Variants in PDE12 observed in about 807,000 individuals in gnomAD.
The protein encoded by PDE12 is phosphodiesterase 12, also known as 2',5'-phosphodiesterase 12.
In PDE12, 26 loss-of-function variants were observed where a neutral mutation model predicts 45.4. That is an observed-to-expected ratio of 0.57 (90% CI 0.42 to 0.79). PDE12 has a LOEUF of 0.79. Ranked by LOEUF, PDE12 falls within the 30% of genes least tolerant of loss-of-function variation. The pLI is 0.00. For missense variants in PDE12, 668 were observed against 790.0 expected, an observed-to-expected ratio of 0.85 and a Z score of 1.85; for synonymous variants, 283 against 323.9, an observed-to-expected ratio of 0.87 and a Z score of 1.36.
chr3:57,630,727 A>G, the PDE12 span: 2 of 1,613,414 alleles, frequency 1.2e-6, no homozygotes, highest in African/African-American at 1.3e-5. Flanking sequence ...GTAAAGTCCA[A>G]TCCAATCGCC....
chr3:57,654,011 G>C, the PDE12 span, among the ~76,000 whole-genome samples: 40 of 129,770 alleles, frequency 3.1e-4, no homozygotes, highest in Admixed American at 1.6e-3. Flanking sequence ...GCAGTGGCAC[G>C]ATCTCAGCTC....
chr3:57,575,088 G>A, the PDE12 span, among the ~76,000 whole-genome samples: 2 of 150,614 alleles, frequency 1.3e-5, no homozygotes, highest in Non-Finnish European at 3.0e-5. Flanking sequence ...GACCTCAGAT[G>A]ATCTGCTCAC....
chr3:57,613,825 T>C, the PDE12 span, among the ~76,000 whole-genome samples: 1 of 134,948 alleles, frequency 7.4e-6, no homozygotes, highest in African/African-American at 2.9e-5. Context: ...GGCGTGAACC[T>C]GGGAGGTGGA....
the PDE12 span, among the ~76,000 whole-genome samples, chr3:57,601,657 A>G: frequency 6.6e-6 from 1 of 152,062 alleles, no homozygotes; most frequent in Non-Finnish European, 1.5e-5. Flanking sequence ...ACCCAGGTAC[A>G]ACTATAATTA....
the PDE12 span, among the ~76,000 whole-genome samples, chr3:57,612,541 G>C: frequency 2.0e-5 from 3 of 152,032 alleles, no homozygotes; most frequent in Non-Finnish European, 4.4e-5. Flanking sequence ...TGGAGGCCGA[G>C]GCGGGCGGAT....
At chr3:57,645,711 G>A in the PDE12 span, 13 of 1,613,458 alleles carry the variant, frequency 8.1e-6, no homozygotes, top group Non-Finnish European at 1.1e-5. Context: ...CATGAATAGT[G>A]AAATAAGGTC....
chr3:57,598,403 G>A, the PDE12 span, among the ~76,000 whole-genome samples: 53 of 152,272 alleles, frequency 3.5e-4, no homozygotes, highest in Non-Finnish European at 2.6e-4. Context: ...TTGAAGGCTT[G>A]CTGAGTAACG....
At chr3:57,590,562 A>G in the PDE12 span, among the ~76,000 whole-genome samples, 1 of 152,236 alleles carries the variant, frequency 6.6e-6, no homozygotes, top group South Asian at 2.1e-4. Flanking sequence ...GTAAGACTGG[A>G]AAGACAAAAG....
At chr3:57,610,945 AG>A in the PDE12 span, among the ~76,000 whole-genome samples, 1 of 152,150 alleles carries the variant, frequency 6.6e-6, no homozygotes, top group Non-Finnish European at 1.5e-5. Context: ...CTAAGCCAAA[AG>A]AACAAAGCTG....
intron 1 of PDE12, 78 bp from the exon 2 acceptor site, chr3:57,559,228 CAAAA>C (rs766680669): frequency 1.6e-6 from 2 of 1,238,342 alleles, no homozygotes; most frequent in Non-Finnish European, 1.2e-6. Flanking sequence ...CGAAAAAACT[CAAAA>C]AAACAAACAA....
chr3:57,647,906 A>G, the PDE12 span, among the ~76,000 whole-genome samples: 1 of 152,042 alleles, frequency 6.6e-6, no homozygotes, highest in Non-Finnish European at 1.5e-5. Flanking sequence ...GAGCAGGGTA[A>G]GGAGGGTATC....
the PDE12 span, among the ~76,000 whole-genome samples, chr3:57,632,226 G>A: frequency 6.0e-5 from 9 of 150,232 alleles, no homozygotes; most frequent in East Asian, 7.8e-4. Flanking sequence ...GGGTTTCACC[G>A]TGTTAGCCAG....
the PDE12 span, among the ~76,000 whole-genome samples, chr3:57,605,159 T>C: frequency 1.3e-5 from 2 of 152,244 alleles, no homozygotes; most frequent in African/African-American, 4.8e-5. Context: ...CTTGGGAATG[T>C]GTCCAAGTTG....
chr3:57,629,502 G>T, the PDE12 span, among the ~76,000 whole-genome samples: 1 of 143,632 alleles, frequency 7.0e-6, no homozygotes, highest in Non-Finnish European at 1.5e-5. Context: ...AAAAAAATCA[G>T]TCCGCTTTTT....
At chr3:57,596,302 T>A in the PDE12 span, among the ~76,000 whole-genome samples, 4 of 152,236 alleles carry the variant, frequency 2.6e-5, no homozygotes, top group African/African-American at 9.6e-5. Flanking sequence ...AGGTATTTTT[T>A]AAAAATTCGT....
the PDE12 span, among the ~76,000 whole-genome samples, chr3:57,636,936 CAAAAAAAAAAAAAA>C: frequency 3.8e-5 from 2 of 52,008 alleles, no homozygotes; most frequent in African/African-American, 1.4e-4. Context: ...GACTCTGTCT[CAAAAAAAAAAAAAA>C]AAAAAAAAAG....
chr3:57,630,756 C>G, the PDE12 span: 1 of 1,614,016 alleles, frequency 6.2e-7, no homozygotes, highest in Non-Finnish European at 8.5e-7. Context: ...TAGAGGTTAG[C>G]TGAGGTCCTG....
chr3:57,650,216 C>T, the PDE12 span, among the ~76,000 whole-genome samples: 1 of 151,456 alleles, frequency 6.6e-6, no homozygotes, highest in African/African-American at 2.4e-5. Context: ...ATGGGTATAT[C>T]AAAATCTCAG....
the PDE12 span, among the ~76,000 whole-genome samples, chr3:57,608,805 C>T: frequency 6.6e-6 from 1 of 152,124 alleles, no homozygotes; most frequent in African/African-American, 2.4e-5. Flanking sequence ...TTTAACACCC[C>T]ACTGTCAACA....
Sources: gnomAD v4.1 joint callset for allele counts (sites outside exome capture counted in the v4.1 genomes callset) on GRCh38, gnomAD v4.1.1 for gene constraint, MANE v1.5 for transcripts, NCBI Gene and HGNC (gene_info 2026-07-23, HGNC 2026-07-21) for gene names.